MED12L: variants seen among roughly 807,000 people sequenced by gnomAD.
MED12L encodes the protein mediator complex subunit 12L, also known as mediator of RNA polymerase II transcription subunit 12-like protein.
In MED12L, 60 loss-of-function variants were observed where a neutral mutation model predicts 281.3. The ratio of observed to expected loss-of-function variants is 0.21; its 90% CI spans 0.17 to 0.26. The LOEUF (loss-of-function observed/expected upper bound fraction) is 0.26. Ranked by LOEUF, MED12L falls within the 10% of genes least tolerant of loss-of-function variation. MED12L has a pLI of 1.00. For missense variants in MED12L, 2,146 were observed against 2,680.9 expected, an observed-to-expected ratio of 0.80 and a Z score of 4.41; for synonymous variants, 974 against 987.2, an observed-to-expected ratio of 0.99 and a Z score of 0.25.
At position 151,163,878 on chromosome 3, in the gene MED12L, C is replaced by T. The variant is rs1285374395; in HGVS notation, c.1108-15C>T. Reference sequence around the variant, plus strand: ...CCTTCCTCTGAACATCCAACTTTATCTGTTTCATTTCCAGACTGTCACTCT... The same window carrying T: ...CCTTCCTCTGAACATCCAACTTTATTTGTTTCATTTCCAGACTGTCACTCT... On this transcript the variant is annotated splice_polypyrimidine_tract_variant and intron_variant, in intron 8 of 44. Coordinates refer to ENST00000687756, the MANE Select transcript of MED12L (RefSeq NM_001393769.1). The T allele has an allele frequency of 6.3e-7, 1 of 1,599,734 alleles. No individual in the cohort carries two copies. Among genetic ancestry groups the T allele is most frequent in the Admixed American group, 1.7e-5 (1 of 59,192 alleles).
At position 151,158,691 on chromosome 3, in the gene MED12L, A is replaced by C. The variant is rs756172536; in HGVS notation, c.729A>C (p.Glu243Asp). The change falls in exon 7 of 45, where the codon GAA becomes GAC. Residue 243 changes from glutamate (E) to aspartate (D), a missense_variant and splice_region_variant. By Grantham distance (45) the Glu-to-Asp change is conservative. Transcript: ENST00000687756. ...TAATTTTTCTTTGTTCATTTAAGGA[A>C]GGAATGTTAGAAAAACACGAATATT... ...NEKLAFHMFQ[E>D]GMLEKHEYLT... is the part of the protein sequence containing the mutation. The C allele has an allele frequency of 6.3e-7, 1 of 1,599,312 alleles. No homozygotes were observed. The highest frequency in any genetic ancestry group is 1.1e-5 in the South Asian group (1 of 89,306).
At chr3:151,363,090 C>T (rs540823634) in intron 21 of MED12L, among the ~76,000 whole-genome samples, 1 of 152,032 alleles carries the variant, frequency 6.6e-6, no homozygotes, top group South Asian at 2.1e-4. Flanking sequence ...AAGTAACATG[C>T]GCTGGGCGTG....
intron 2 of MED12L, among the ~76,000 whole-genome samples, chr3:151,109,728 T>C (rs1242606967): frequency 6.6e-6 from 1 of 152,258 alleles, no homozygotes; most frequent in Non-Finnish European, 1.5e-5. Flanking sequence ...ATGTTAAACA[T>C]ATTTAAAAGT....
At chr3:151,309,852 T>G (rs950976525) in intron 16 of MED12L, among the ~76,000 whole-genome samples, 10 of 152,242 alleles carry the variant, frequency 6.6e-5, no homozygotes, top group Non-Finnish European at 8.8e-5. Flanking sequence ...CCTCTCTGAC[T>G]TAATTTCATT....
At chr3:151,341,901 A>G (rs1448488282) in intron 16 of MED12L, among the ~76,000 whole-genome samples, 1 of 152,164 alleles carries the variant, frequency 6.6e-6, no homozygotes, top group Non-Finnish European at 1.5e-5. Flanking sequence ...TACAAAGGAC[A>G]TGAACTCATC....
intron 19 of MED12L, 61 bp downstream of exon 19, chr3:151,356,100 A>G: frequency 3.3e-6 from 5 of 1,528,526 alleles, no homozygotes; most frequent in Non-Finnish European, 4.4e-6. Context: ...GCATTGTGCA[A>G]TTTAAAGTGA....
chr3:151,247,371 C>G (rs1735787393), intron 16 of MED12L, among the ~76,000 whole-genome samples: 1 of 151,990 alleles, frequency 6.6e-6, no homozygotes, highest in Admixed American at 6.6e-5. Flanking sequence ...GCCAAATGTC[C>G]AACAATGATA....
At chr3:151,201,530 C>T (rs1016548669) in intron 16 of MED12L, among the ~76,000 whole-genome samples, 2 of 152,222 alleles carry the variant, frequency 1.3e-5, no homozygotes, top group Non-Finnish European at 2.9e-5. Context: ...AGGGCTGGCA[C>T]TGGTGTGTTC....
At chr3:151,141,166 G>GTTTGTTTGTTTT (rs1716883225) in intron 5 of MED12L, among the ~76,000 whole-genome samples, 1 of 98,122 alleles carries the variant, frequency 1.0e-5, no homozygotes, top group African/African-American at 5.3e-5. Context: ...CGTGCCTGGC[G>GTTTGTTTGTTTT]TTTTTTTTTT....
intron 16 of MED12L, among the ~76,000 whole-genome samples, chr3:151,266,033 A>G (rs1346437601): frequency 6.6e-6 from 1 of 152,206 alleles, no homozygotes; most frequent in Non-Finnish European, 1.5e-5. Context: ...TTTCTGAGCT[A>G]CTGACTTAGA....
At chr3:151,396,117 A>G (rs1714932811) in intron 39 of MED12L, among the ~76,000 whole-genome samples, 1 of 152,234 alleles carries the variant, frequency 6.6e-6, no homozygotes, top group Admixed American at 6.5e-5. Flanking sequence ...CACATAAATG[A>G]TGAACATTTG....
intron 16 of MED12L, among the ~76,000 whole-genome samples, chr3:151,265,777 G>T (rs1466530527): frequency 2.0e-5 from 3 of 152,072 alleles, no homozygotes; most frequent in African/African-American, 4.8e-5. Context: ...TCTGTCTTAT[G>T]TATTGGTAAG....
chr3:151,220,678 G>A (rs1055390736), intron 16 of MED12L, among the ~76,000 whole-genome samples: 3 of 152,178 alleles, frequency 2.0e-5, no homozygotes, highest in Non-Finnish European at 4.4e-5. Flanking sequence ...CTGCTGCCAT[G>A]TGAGACATGC....
intron 16 of MED12L, among the ~76,000 whole-genome samples, chr3:151,286,466 C>A (rs1444788807): frequency 6.6e-6 from 1 of 152,170 alleles, no homozygotes; most frequent in Non-Finnish European, 1.5e-5. Flanking sequence ...AAGCAATAGG[C>A]ACTAACTCAG....
intron 9 of MED12L, among the ~76,000 whole-genome samples, chr3:151,164,811 A>G (rs112015605): frequency 0.04 from 5,977 of 149,444 alleles, 392 homozygotes; most frequent in African/African-American, 0.14. Context: ...GTGAGAACAC[A>G]TGGACACAGG....
intron 16 of MED12L, among the ~76,000 whole-genome samples, chr3:151,283,116 C>A (rs1485936106): frequency 2.0e-5 from 3 of 152,290 alleles, no homozygotes; most frequent in Admixed American, 6.5e-5. Context: ...TACAATATCA[C>A]CCCCTTCTGG....
chr3:151,221,870 C>G (rs1490923888), intron 16 of MED12L, among the ~76,000 whole-genome samples: 1 of 152,182 alleles, frequency 6.6e-6, no homozygotes, highest in African/African-American at 2.4e-5. Context: ...GGCCAACATC[C>G]TCCACACTCC....
At chr3:151,112,086 C>G (rs957534777) in intron 2 of MED12L, among the ~76,000 whole-genome samples, 3 of 151,986 alleles carry the variant, frequency 2.0e-5, no homozygotes, top group African/African-American at 4.8e-5. Context: ...ATAACTGTTG[C>G]GTCTTACTAT....
chr3:151,347,571 C>T (rs1752685682), intron 16 of MED12L, among the ~76,000 whole-genome samples: 1 of 152,056 alleles, frequency 6.6e-6, no homozygotes, highest in African/African-American at 2.4e-5. Flanking sequence ...AGCATTTCAG[C>T]AAGTGAAATC....
Sources: allele counts gnomAD v4.1 joint callset (sites outside exome capture counted in the v4.1 genomes callset), GRCh38; gene constraint gnomAD v4.1.1; transcripts MANE v1.5; gene names NCBI Gene and HGNC (gene_info 2026-07-23, HGNC 2026-07-21).